Variants in KCNN2 observed in about 807,000 individuals in gnomAD.
KCNN2 encodes potassium calcium-activated channel subfamily N member 2.
A neutral mutation model predicts 55.5 loss-of-function variants in KCNN2; 24 were observed. The observed-to-expected ratio is 0.43, with a 90% confidence interval of 0.31 to 0.61. The LOEUF is 0.61. Among genes scored for constraint, KCNN2 ranks in the 20% least tolerant of loss-of-function variants. The pLI is 0.08. For synonymous variants in KCNN2, 431 were observed against 336.1 expected (o/e 1.28, Z -3.09); for missense variants, 754 against 853.6 (o/e 0.88, Z 1.45).
intron 5 of KCNN2, among the ~76,000 whole-genome samples, chr5:114,475,552 G>A (rs1761926619): frequency 6.6e-6 from 1 of 152,108 alleles, no homozygotes; most frequent in Admixed American, 6.6e-5. Flanking sequence ...AAAATATACT[G>A]TATACTAAAT....
chr5:114,448,395 C>T (rs745836490), intron 3 of KCNN2, among the ~76,000 whole-genome samples: 8 of 152,118 alleles, frequency 5.3e-5, no homozygotes, highest in Non-Finnish European at 1.2e-4. Flanking sequence ...CTGTGCTCCT[C>T]CTGCATGAAC....
At chr5:114,074,989 AG>A in intron 1 of KCNN2, among the ~76,000 whole-genome samples, 1 of 152,296 alleles carries the variant, frequency 6.6e-6, no homozygotes, top group East Asian at 1.9e-4. Context: ...AGACACAAGA[AG>A]GCAGGTTCAT....
intron 1 of KCNN2, among the ~76,000 whole-genome samples, chr5:114,155,561 T>C (rs4260657): frequency 0.87 from 132,463 of 152,134 alleles, 57,809 homozygotes; most frequent in East Asian, 0.95. Flanking sequence ...TATTTTTTGA[T>C]TTTTTAATAG....
chr5:114,073,871 G>A (rs1017164946), intron 1 of KCNN2, among the ~76,000 whole-genome samples: 7 of 152,128 alleles, frequency 4.6e-5, no homozygotes, highest in African/African-American at 1.4e-4. Flanking sequence ...AATAAACTAC[G>A]CTTAAAACTT....
intron 1 of KCNN2, among the ~76,000 whole-genome samples, chr5:114,080,766 C>T (rs1750796544): frequency 6.6e-6 from 1 of 151,934 alleles, no homozygotes; most frequent in Non-Finnish European, 1.5e-5. Flanking sequence ...CCCTTATGAT[C>T]AGGAACAAGG....
At chr5:114,173,810 A>G (rs1019828170) in intron 1 of KCNN2, among the ~76,000 whole-genome samples, 4 of 151,930 alleles carry the variant, frequency 2.6e-5, no homozygotes, top group Admixed American at 2.0e-4. Flanking sequence ...ATCAATCATC[A>G]TGTCTAAAAG....
At chr5:114,369,861 C>T (rs1031875530) in intron 2 of KCNN2, among the ~76,000 whole-genome samples, 1 of 151,958 alleles carries the variant, frequency 6.6e-6, no homozygotes, top group Admixed American at 6.6e-5. Flanking sequence ...AGTATCCAAC[C>T]TGTTTCTGGG....
At chr5:114,163,145 A>T (rs1033970661) in intron 1 of KCNN2, among the ~76,000 whole-genome samples, 1 of 152,018 alleles carries the variant, frequency 6.6e-6, no homozygotes, top group African/African-American at 2.4e-5. Context: ...TCTTGGCTCC[A>T]CCCCTGAAGT....
chr5:114,459,829 A>G (rs1006137781), intron 3 of KCNN2, among the ~76,000 whole-genome samples: 5 of 152,222 alleles, frequency 3.3e-5, no homozygotes, highest in African/African-American at 9.6e-5. Context: ...CTCTGATGCA[A>G]TGTAATGCGA....
intron 2 of KCNN2, among the ~76,000 whole-genome samples, chr5:114,288,626 T>C (rs2150016431): frequency 6.6e-6 from 1 of 152,268 alleles, no homozygotes; most frequent in East Asian, 1.9e-4. Flanking sequence ...ACTAATAATA[T>C]TATGCATATT....
At chr5:114,160,721 G>A (rs932171284) in intron 1 of KCNN2, among the ~76,000 whole-genome samples, 1 of 152,184 alleles carries the variant, frequency 6.6e-6, no homozygotes, top group African/African-American at 2.4e-5. Flanking sequence ...AGGATAGTTA[G>A]TTCTTCTTGC....
intron 1 of KCNN2, among the ~76,000 whole-genome samples, chr5:114,090,253 C>A (rs1411783651): frequency 6.6e-6 from 1 of 151,972 alleles, no homozygotes; most frequent in African/African-American, 2.4e-5. Context: ...TGGCAAGAAG[C>A]CTTAAGGATG....
chr5:114,310,599 T>C (rs900114851), intron 2 of KCNN2, among the ~76,000 whole-genome samples: 6 of 152,104 alleles, frequency 3.9e-5, no homozygotes, highest in South Asian at 2.1e-4. Flanking sequence ...CAAATGACCA[T>C]TTTTAAAATA....
intron 1 of KCNN2, among the ~76,000 whole-genome samples, chr5:114,067,872 CAT>C (rs1365502111): frequency 2.6e-5 from 4 of 152,196 alleles, no homozygotes; most frequent in Non-Finnish European, 5.9e-5. Context: ...CCCATTCATA[CAT>C]ATATAGAGTT....
At chr5:114,202,272 C>A (rs1437103896) in intron 1 of KCNN2, among the ~76,000 whole-genome samples, 1 of 151,968 alleles carries the variant, frequency 6.6e-6, no homozygotes, top group Non-Finnish European at 1.5e-5. Flanking sequence ...GCATAAGGAT[C>A]TAGTGGGCTG....
At chr5:114,310,290 C>A (rs966193939) in intron 2 of KCNN2, among the ~76,000 whole-genome samples, 3 of 152,074 alleles carry the variant, frequency 2.0e-5, no homozygotes, top group Non-Finnish European at 2.9e-5. Context: ...CACAGTGCTC[C>A]CGCCCCAGTA....
intron 2 of KCNN2, among the ~76,000 whole-genome samples, chr5:114,279,788 G>C (rs7704115): frequency 0.9 from 135,109 of 150,670 alleles, 60,990 homozygotes; most frequent in East Asian, 0.94. Context: ...ATAGCAGCAT[G>C]ATTTATAATC....
intron 1 of KCNN2, among the ~76,000 whole-genome samples, chr5:114,205,247 G>A (rs955599396): frequency 2.0e-5 from 3 of 152,254 alleles, no homozygotes; most frequent in South Asian, 4.1e-4. Context: ...ATTTTCAAAC[G>A]CATTTGTGAA....
At chr5:114,475,535 C>A (rs1761925751) in intron 5 of KCNN2, among the ~76,000 whole-genome samples, 1 of 152,042 alleles carries the variant, frequency 6.6e-6, no homozygotes, top group South Asian at 2.1e-4. Context: ...TTTGGAATAA[C>A]ATATAAAAAA....
Sources: gnomAD v4.1 joint callset for allele counts (sites outside exome capture counted in the v4.1 genomes callset) on GRCh38, gnomAD v4.1.1 for gene constraint, MANE v1.5 for transcripts, NCBI Gene and HGNC (gene_info 2026-07-23, HGNC 2026-07-21) for gene names.